Variants in CSMD1 observed in about 807,000 individuals in gnomAD.
CSMD1 encodes CUB and Sushi multiple domains 1, also known as CUB and sushi domain-containing protein 1.
A neutral mutation model predicts 417.5 loss-of-function variants in CSMD1; 213 were observed. The observed-to-expected ratio is 0.51, with a 90% CI of 0.46 to 0.57. The LOEUF (loss-of-function observed/expected upper bound fraction) is 0.57. Among genes scored for constraint, CSMD1 ranks in the 20% least tolerant of loss-of-function variants. The pLI is 0.00. For synonymous variants in CSMD1, 2,862 were observed against 1,736.8 expected, an observed-to-expected ratio of 1.65 and a Z score of -16.11; for missense variants, 6,923 against 4,529.7, an observed-to-expected ratio of 1.53 and a Z score of -15.17.
intron 10 of CSMD1, among the ~76,000 whole-genome samples, chr8:3,564,184 T>C (rs186146637): frequency 9.8e-5 from 15 of 152,330 alleles, no homozygotes; most frequent in African/African-American, 3.6e-4. Flanking sequence ...TTTTGAAATA[T>C]ATAATAAATT....
chr8:3,833,280 C>G (rs764666970), intron 5 of CSMD1, among the ~76,000 whole-genome samples: 4 of 152,078 alleles, frequency 2.6e-5, no homozygotes, highest in African/African-American at 4.8e-5. Context: ...CATTACAACA[C>G]TGATATCTGT....
chr8:3,216,235 C>G (rs966662587), intron 29 of CSMD1, among the ~76,000 whole-genome samples: 4 of 151,854 alleles, frequency 2.6e-5, no homozygotes, highest in Non-Finnish European at 5.9e-5. Flanking sequence ...TGCATTAAAT[C>G]CCATATAGAA....
chr8:3,636,955 T>C (rs922654155), intron 7 of CSMD1, among the ~76,000 whole-genome samples: 4 of 152,156 alleles, frequency 2.6e-5, no homozygotes, highest in Non-Finnish European at 5.9e-5. Flanking sequence ...AGATGATGGA[T>C]TGCTATAAAT....
intron 18 of CSMD1, among the ~76,000 whole-genome samples, chr8:3,374,267 C>T (rs1436911904): frequency 6.6e-6 from 1 of 151,994 alleles, no homozygotes; most frequent in Non-Finnish European, 1.5e-5. Context: ...CCCATCCACC[C>T]GTTTTTCAAG....
chr8:3,885,544 G>C (rs1007050520), intron 5 of CSMD1, among the ~76,000 whole-genome samples: 14 of 152,098 alleles, frequency 9.2e-5, no homozygotes, highest in African/African-American at 3.4e-4. Flanking sequence ...AGGGAAAAAA[G>C]AACTGTTGCT....
chr8:4,235,367 T>TG (rs369837914), intron 3 of CSMD1, among the ~76,000 whole-genome samples: 34 of 152,008 alleles, frequency 2.2e-4, no homozygotes, highest in Middle Eastern at 3.4e-3. Flanking sequence ...TTTGTTTTTT[T>TG]TTTGTTTGTT....
chr8:4,165,417 TTTTG>T (rs1233015739), intron 3 of CSMD1, among the ~76,000 whole-genome samples: 1 of 152,224 alleles, frequency 6.6e-6, no homozygotes, highest in Non-Finnish European at 1.5e-5. Context: ...AAGCATCATG[TTTTG>T]TTTGAGGTGG....
rs112459907 is a variant in CSMD1 at position 3,220,179 on chromosome 8, G to T, written c.4485-737C>A. On this transcript the variant is annotated intron_variant, in intron 28 of 69. Transcript: ENST00000635120. ...AAAAAAAAAAGACTCCACTTGCGTGGATAAATCAGCGAATATTAATAGCCC... is the reference window on the plus strand; with the variant it reads ...AAAAAAAAAAGACTCCACTTGCGTGTATAAATCAGCGAATATTAATAGCCC... 2.1e-3 allele frequency among the ~76,000 whole-genome samples: 312 copies of T among 146,744 alleles called. 5 individuals carry two copies. The highest frequency in any genetic ancestry group is 7.7e-3 in the African/African-American group (297 of 38,528).
In CSMD1 at chr8:3,141,947, G is replaced by A. The variant is rs369944905; in HGVS notation, c.6241+518C>T. On this transcript the variant is annotated intron_variant, in intron 41 of 69. Coordinates refer to ENST00000635120, the MANE Select transcript of CSMD1 (RefSeq NM_033225.6). Reference sequence around the variant, plus strand: ...CGAGTAGCTGGGACTACAGGCGCCCGCCACTATGCCCAGCTAATTTTTGGT... The same window carrying A: ...CGAGTAGCTGGGACTACAGGCGCCCACCACTATGCCCAGCTAATTTTTGGT... 7.2e-5 allele frequency among the ~76,000 whole-genome samples: 11 copies of A among 152,010 alleles called. No homozygotes were observed. In the South Asian group the frequency reaches 1.0e-3, roughly 14 times the overall value.
intron 2 of CSMD1, among the ~76,000 whole-genome samples, chr8:4,553,677 T>G (rs1797969223): frequency 6.6e-6 from 1 of 152,168 alleles, no homozygotes; most frequent in Non-Finnish European, 1.5e-5. Context: ...TTCAGCACAT[T>G]TCCCACTATT....
intron 3 of CSMD1, among the ~76,000 whole-genome samples, chr8:4,164,926 T>A (rs1012467522): frequency 6.6e-6 from 1 of 151,686 alleles, no homozygotes; most frequent in African/African-American, 2.4e-5. Context: ...TTGATAGTAG[T>A]CCTGAAAAAG....
intron 3 of CSMD1, among the ~76,000 whole-genome samples, chr8:4,320,103 C>G (rs1799183365): frequency 6.6e-6 from 1 of 152,122 alleles, no homozygotes; most frequent in South Asian, 2.1e-4. Flanking sequence ...TCAAAAAAAT[C>G]CAACCCTTTG....
chr8:4,352,091 T>C (rs1269669339), intron 3 of CSMD1, among the ~76,000 whole-genome samples: 1 of 152,162 alleles, frequency 6.6e-6, no homozygotes, highest in African/African-American at 2.4e-5. Context: ...CTTCTACTGC[T>C]GGAATACTTT....
At chr8:3,134,320 C>T (rs1817957659) in intron 41 of CSMD1, among the ~76,000 whole-genome samples, 1 of 152,244 alleles carries the variant, frequency 6.6e-6, no homozygotes, top group African/African-American at 2.4e-5. Flanking sequence ...GACCCTGGAT[C>T]TGCAAGAGGC....
intron 1 of CSMD1, among the ~76,000 whole-genome samples, chr8:4,687,378 G>C (rs2116743740): frequency 6.6e-6 from 1 of 152,296 alleles, no homozygotes; most frequent in Non-Finnish European, 1.5e-5. Context: ...ACGTGATATA[G>C]CTTACAAATG....
chr8:3,785,716 G>A (rs761233580), intron 5 of CSMD1, among the ~76,000 whole-genome samples: 1 of 152,176 alleles, frequency 6.6e-6, no homozygotes, highest in Non-Finnish European at 1.5e-5. Flanking sequence ...CTACCAAGAA[G>A]TGAGAGGCCC....
At chr8:3,364,281 C>T (rs973241136) in intron 20 of CSMD1, among the ~76,000 whole-genome samples, 38 of 152,118 alleles carry the variant, frequency 2.5e-4, no homozygotes, top group Non-Finnish European at 4.7e-4. Context: ...ACTTTAAAGT[C>T]GACTTTGAAA....
At chr8:3,095,026 A>G (rs530024580) in intron 47 of CSMD1, among the ~76,000 whole-genome samples, 1 of 152,280 alleles carries the variant, frequency 6.6e-6, no homozygotes, top group South Asian at 2.1e-4. Context: ...GTTGTTTATA[A>G]TGGCTATGAT....
chr8:3,897,353 C>G lies in CSMD1; in HGVS notation c.818+100550G>C, dbSNP rs953106318. On this transcript the variant is annotated intron_variant, in intron 5 of 69. Transcript: ENST00000635120. ...AGGTTTCTCTTATAAGCAGTGTGCTCTAACAGTGATTCCTACATTTGAATA... is the reference window on the plus strand; with the variant it reads ...AGGTTTCTCTTATAAGCAGTGTGCTGTAACAGTGATTCCTACATTTGAATA... 2.6e-5 allele frequency among the ~76,000 whole-genome samples: 4 copies of G among 152,174 alleles called. No homozygotes were observed. The East Asian group carries it at 5.8e-4, about 22-fold the overall frequency.
Sources: gnomAD v4.1 joint callset for allele counts (sites outside exome capture counted in the v4.1 genomes callset) on GRCh38, gnomAD v4.1.1 for gene constraint, MANE v1.5 for transcripts, NCBI Gene and HGNC (gene_info 2026-07-23, HGNC 2026-07-21) for gene names.